The following ZFP28 variants were observed in gnomAD, a reference collection of about 807,000 sequenced individuals.
ZFP28 encodes the protein ZFP28 zinc finger protein.
In ZFP28, 31 loss-of-function variants were observed where a neutral mutation model predicts 39.5. The ratio of observed to expected loss-of-function variants is 0.79; its 90% confidence interval spans 0.59 to 1.06. The LOEUF is 1.06. ZFP28 is among the 50% of genes least tolerant of loss of function. ZFP28 has a pLI of 0.00. For missense variants in ZFP28, 925 were observed against 1,048.4 expected (o/e 0.88, Z 1.63); for synonymous variants, 400 against 378.6 (o/e 1.06, Z -0.66).
Position 56,554,371 on chromosome 19 carries a change from G to T in ZFP28, c.1586G>T (p.Gly529Val). The change falls in exon 8 of 8, where the codon GGA becomes GTA. Residue 529 changes from glycine to valine, a missense_variant. By Grantham distance (109) the Gly-to-Val change is moderately radical. This residue lies in a region of ZFP28 where 369 missense variants were observed against 505.5 expected (regional missense o/e 0.73). Coordinates refer to ENST00000301318, the MANE Select transcript of ZFP28 (RefSeq NM_020828.2). This position sits in a 1 kb window ranked among gnomAD's most constrained non-coding sequence, Gnocchi z 6.7. ...GLNQHRRIHT[G>V]EKPYKCDVCH... The stretch of plus-strand genomic sequence containing the variant: ...AATCAACACAGGAGAATTCATACTG[G>T]AGAGAAACCTTACAAATGTGATGTA... The T allele has an allele frequency of 6.2e-7, 1 of 1,614,120 alleles. No individual in the cohort carries two copies. The highest frequency in any genetic ancestry group is 8.5e-7 in the Non-Finnish European group (1 of 1,180,038).
At chr19:56,553,572 G>T in intron 7 of ZFP28, 112 bp from the exon 8 acceptor site, 1 of 1,353,568 alleles carries the variant, frequency 7.4e-7, no homozygotes. Flanking sequence ...GCTGTAAAAT[G>T]TATGTTGATG....
chr19:56,550,771 CT>C, intron 7 of ZFP28, 166 bp downstream of exon 7: 1 of 1,532,986 alleles, frequency 6.5e-7, no homozygotes, highest in Non-Finnish European at 8.7e-7. Flanking sequence ...TTTCCTCCTC[CT>C]TTGCCCCCTT....
chr19:56,553,806 T>C lies in ZFP28; in HGVS notation c.1021T>C (p.Ser341Pro). The stretch of plus-strand genomic sequence containing the variant: ...TTCCAGTTTCAGAGAAAATTGGGAT[T>C]CTGACTATGTGTTTGGAAGGAAGCT... Reference protein sequence around the residue: ...DCSSFRENWDSDYVFGRKLAV... With the variant: ...DCSSFRENWDPDYVFGRKLAV... The change falls in exon 8 of 8, where the codon TCT becomes CCT. Residue 341 changes from serine (S) to proline (P), a missense_variant. Coordinates refer to ENST00000301318, the MANE Select transcript of ZFP28 (RefSeq NM_020828.2). 1 of 1,614,142 alleles carries C rather than the reference T, an allele frequency of 6.2e-7. No homozygotes were observed. The highest frequency in any genetic ancestry group is 8.5e-7 in the Non-Finnish European group (1 of 1,180,020).
At chr19:56,544,913 C>T (rs151178607) in intron 2 of ZFP28, among the ~76,000 whole-genome samples, 56 of 152,276 alleles carry the variant, frequency 3.7e-4, no homozygotes, top group African/African-American at 1.3e-3. Flanking sequence ...GGTCCCTCTA[C>T]GTGATTACAT....
chr19:56,539,036 C>T lies in ZFP28; in HGVS notation c.18C>T (p.Ser6=). 6.9e-7 allele frequency: 1 copy of T among 1,456,106 alleles called. No homozygotes were observed. Among genetic ancestry groups the T allele is most frequent in the Non-Finnish European group, 9.0e-7 (1 of 1,111,088 alleles). The allele number at this position is 1,456,106 out of a possible 1,614,324, so 90.2% of individuals were successfully genotyped here. ...CGGGTGACATGCGGGGGGCGGCGAG[C>T]GCGAGTGTCCGCGAGCCGACGCCGC... MRGAA[S]ASVREPTPLP... The change falls in exon 1 of 8, where the codon AGC becomes AGT. Residue 6 remains serine (S), a synonymous_variant. Transcript: ENST00000301318.
chr19:56,555,665 T>TA lies in ZFP28; in HGVS notation c.*280dup, dbSNP rs551668436. The stretch of plus-strand genomic sequence containing the variant: ...GAAAAGTTACAGTAGTCAGCTCTGA[T>TA]AAAAAAATGATGCAGTAGGGTGAGG... On this transcript the variant is annotated 3_prime_UTR_variant, in exon 8 of 8. Transcript: ENST00000301318. 618 of 366,808 alleles carry TA rather than the reference T, an allele frequency of 1.7e-3. 3 individuals carry two copies. The highest frequency in any genetic ancestry group is 0.012 in the African/African-American group (557 of 47,646). The allele number at this position is 366,808 out of a possible 1,614,324, so 22.7% of individuals were successfully genotyped here.
Position 56,539,152 on chromosome 19 carries a change from GA to G in ZFP28, c.136del (p.Arg46GlyfsTer58). The G allele has an allele frequency of 6.3e-7, 1 of 1,598,262 alleles. No individual in the cohort carries two copies. On this transcript the variant is annotated frameshift_variant, in exon 1 of 8. Transcript: ENST00000301318. LOFTEE classifies it high-confidence loss of function. ...GCCACCTTGGCCCTCCCTGCCCGGG[GA>G]AGGCCGCGCTCAAGGAATGGCCTCG... The part of the protein sequence containing the change: ...TPATLALPAR[G>X]RPRSRNGLAS...
rs34136271 is a variant in ZFP28, at chr19:56,547,629, C to T, written c.422C>T (p.Ser141Leu). 142 of 1,608,816 alleles carry T rather than the reference C, an allele frequency of 8.8e-5. No individual in the cohort carries two copies. Among genetic ancestry groups the T allele is most frequent in the Non-Finnish European group, 1.1e-4 (130 of 1,177,080 alleles). Residue 141 changes from serine to leucine, a missense_variant, in exon 3 of 8, where the codon TCG becomes TTG. Physicochemically the swap from Ser to Leu is moderately radical, Grantham distance 145 (BLOSUM62 -2). Transcript: ENST00000301318. The surrounding 1 kb of genome is among the most constrained non-coding windows in gnomAD (Gnocchi z 4.6). The stretch of plus-strand genomic sequence containing the variant: ...TTGGAGAACTACAGGAACCTGGCAT[C>T]GCTGGGTAAGGGCTCCCACCCCTTT... ...VMLENYRNLA[S>L]LGLCVSKPDV...
chr19:56,550,939 T>C (rs556681132), intron 7 of ZFP28: 2 of 1,404,748 alleles, frequency 1.4e-6, no homozygotes, highest in South Asian at 1.6e-5. Context: ...TGGCCTATTG[T>C]TTTCATCATG....
chr19:56,547,949 T>C lies in ZFP28; in HGVS notation c.523+47T>C. 1 of 1,582,320 alleles carries C rather than the reference T, an allele frequency of 6.3e-7. No individual in the cohort carries two copies. The highest frequency in any genetic ancestry group is 8.7e-7 in the Non-Finnish European group (1 of 1,154,140). ...AGGGTGAGGCCACTGCTGGTCATAG[T>C]TCAGCTGACTCAGACACGCAACATC... is the stretch of plus-strand genomic sequence containing the variant. On this transcript the variant is annotated intron_variant, in intron 4 of 7. Coordinates refer to ENST00000301318, the MANE Select transcript of ZFP28 (RefSeq NM_020828.2). The surrounding 1 kb of genome is among the most constrained non-coding windows in gnomAD (Gnocchi z 4.6).
chr19:56,538,877 C>T, upstream of ZFP28: 1 of 551,072 alleles, frequency 1.8e-6, no homozygotes, highest in Middle Eastern at 6.1e-4. Flanking sequence ...GGGGGCGGGG[C>T]GGCTCCGCGG....
In ZFP28 at chr19:56,554,442, A is replaced by AG; in HGVS notation, c.1659dup (p.Ile554AspfsTer9). The stretch of plus-strand genomic sequence containing the variant: ...TGGTTCCTCCCTTACTGTACATCAA[A>AG]GGATTCATACCGGAGAAAAACCATA... On this transcript the variant is annotated frameshift_variant, in exon 8 of 8. Coordinates refer to ENST00000301318, the MANE Select transcript of ZFP28 (RefSeq NM_020828.2). LOFTEE classifies it low-confidence loss of function (END_TRUNC). This position sits in a 1 kb window ranked among gnomAD's most constrained non-coding sequence, Gnocchi z 6.7. 1 of 1,614,238 alleles carries AG rather than the reference A, an allele frequency of 6.2e-7. No individual in the cohort carries two copies.
At chr19:56,546,909 G>A (rs2044246178) in intron 2 of ZFP28, 1 of 152,494 alleles carries the variant, frequency 6.6e-6, no homozygotes, top group Non-Finnish European at 1.5e-5. Flanking sequence ...GTTCTCCAAA[G>A]TCAGGGGCTG....
intron 2 of ZFP28, chr19:56,545,695 C>T (rs1240196054): frequency 6.6e-6 from 1 of 152,126 alleles, no homozygotes. Context: ...AGGGTGGGGA[C>T]CAAGAGAGAG....
chr19:56,545,983 A>T (rs1225698335), intron 2 of ZFP28: 1 of 152,242 alleles, frequency 6.6e-6, no homozygotes, highest in Non-Finnish European at 1.5e-5. Context: ...ATCCCTATGG[A>T]TGAGAGTTAT....
Position 56,539,009 on chromosome 19 carries a change from C to T in ZFP28, c.-10C>T. On this transcript the variant is annotated 5_prime_UTR_variant, in exon 1 of 8. Coordinates refer to ENST00000301318, the MANE Select transcript of ZFP28 (RefSeq NM_020828.2). ...ACCGGTCGGAAGGGCGTCGCGCGGC[C>T]TCGGGTGACATGCGGGGGGCGGCGA... 7.1e-7 allele frequency: 1 copy of T among 1,405,638 alleles called. No individual in the cohort carries two copies. Among genetic ancestry groups the T allele is most frequent in the Non-Finnish European group, 9.2e-7 (1 of 1,086,754 alleles). 87.1% of individuals were successfully genotyped at this position (1,405,638 alleles called of 1,614,324 possible).
rs943528192 is a variant in ZFP28 at position 56,550,123 on chromosome 19, T to C, written c.744T>C (p.Ala248=). The part of the protein sequence containing the change: ...AVDFRQQLHP[A]QKNFCKNGIW... The stretch of plus-strand genomic sequence containing the variant: ...ACTTCCGCCAGCAGCTACACCCAGC[T>C]CAGAAGAATTTCTGTAAGAATGGGA... Residue 248 remains alanine, a synonymous_variant, in exon 6 of 8, where the codon GCT becomes GCC. Coordinates refer to ENST00000301318, the MANE Select transcript of ZFP28 (RefSeq NM_020828.2). 2 of 1,613,196 alleles carry C rather than the reference T, an allele frequency of 1.2e-6. No homozygotes were observed. Among genetic ancestry groups the C allele is most frequent in the Non-Finnish European group, 1.7e-6 (2 of 1,179,822 alleles).
intron 2 of ZFP28, chr19:56,546,845 TG>T (rs1291052898): frequency 1.3e-5 from 2 of 152,632 alleles, no homozygotes; most frequent in African/African-American, 4.8e-5. Flanking sequence ...AGTTTTGAAT[TG>T]ATGTCAGGGG....
chr19:56,554,082 T>G lies in ZFP28; in HGVS notation c.1297T>G (p.Ser433Ala). 1 of 1,614,196 alleles carries G rather than the reference T, an allele frequency of 6.2e-7. No homozygotes were observed. The highest frequency in any genetic ancestry group is 8.5e-7 in the Non-Finnish European group (1 of 1,180,026). The change falls in exon 8 of 8, where the codon TCA becomes GCA. Residue 433 changes from serine (S) to alanine (A), a missense_variant. Ser to Ala is a moderately conservative substitution (Grantham distance 99). Transcript: ENST00000301318. This position sits in a 1 kb window ranked among gnomAD's most constrained non-coding sequence, Gnocchi z 6.7. Reference protein sequence around the residue: ...NECKKTFTQSSSLTVHQRIHT... With the variant: ...NECKKTFTQSASLTVHQRIHT... ...ATGTAAGAAAACTTTTACCCAGAGC[T>G]CATCTCTTACTGTTCATCAGAGAAT...
Sources: allele counts gnomAD v4.1 joint callset (sites outside exome capture counted in the v4.1 genomes callset), GRCh38; gene constraint gnomAD v4.1.1; regional missense constraint gnomAD v4.1.1; non-coding constraint Gnocchi (gnomAD v3.1); transcripts MANE v1.5; gene names NCBI Gene and HGNC (gene_info 2026-07-23, HGNC 2026-07-21).